RIMKLB: variants seen among roughly 807,000 people sequenced by gnomAD.
The protein encoded by RIMKLB is ribosomal modification protein rimK like family member B, also known as beta-citrylglutamate synthase B.
Under a neutral mutation model 32.0 loss-of-function variants are expected in RIMKLB, and 7 were observed. That is an observed-to-expected ratio of 0.22 (90% CI 0.12 to 0.41). The LOEUF is 0.41. RIMKLB is among the 10% of genes least tolerant of loss of function. The probability of loss-of-function intolerance (pLI) is 1.00; values close to 1 mark genes in which losing one functional copy is unlikely to be tolerated. For synonymous variants in RIMKLB, 172 were observed against 185.1 expected, an observed-to-expected ratio of 0.93 and a Z score of 0.57; for missense variants, 289 against 498.7, an observed-to-expected ratio of 0.58 and a Z score of 4.00.
At chr12:8,742,215 C>T (rs1157476091) in intron 2 of RIMKLB, among the ~76,000 whole-genome samples, 3 of 151,874 alleles carry the variant, frequency 2.0e-5, no homozygotes, top group Non-Finnish European at 4.4e-5. Context: ...CTTTTAATAA[C>T]ATTTGTTACA....
At chr12:8,697,278 C>T (rs1183079688), upstream of RIMKLB, 2 of 152,166 alleles carry the variant, frequency 1.3e-5, no homozygotes, top group Non-Finnish European at 2.9e-5. Context: ...TTAAATTTGC[C>T]TCTCAATATA....
At chr12:8,670,763 T>C in the RIMKLB span, among the ~76,000 whole-genome samples, 1 of 152,264 alleles carries the variant, frequency 6.6e-6, no homozygotes, top group African/African-American at 2.4e-5. Context: ...ACCACACATT[T>C]CCCTTCTGCA....
chr12:8,746,323 G>A (rs1948083040), intron 2 of RIMKLB, among the ~76,000 whole-genome samples: 1 of 151,680 alleles, frequency 6.6e-6, no homozygotes, highest in South Asian at 2.1e-4. Context: ...TGATATCAAG[G>A]GCCGGGAGCT....
At chr12:8,751,777 T>A (rs929220397) in intron 3 of RIMKLB, among the ~76,000 whole-genome samples, 180 bp from the exon 4 acceptor site, 1 of 152,186 alleles carries the variant, frequency 6.6e-6, no homozygotes, top group Non-Finnish European at 1.5e-5. Context: ...CTATTATTTG[T>A]TTTAAACTGA....
intron 2 of RIMKLB, among the ~76,000 whole-genome samples, chr12:8,747,463 T>A (rs1948203204): frequency 6.6e-6 from 1 of 152,152 alleles, no homozygotes; most frequent in South Asian, 2.1e-4. Context: ...CCTCCCTGAT[T>A]TTTCTTCCAT....
At chr12:8,752,681 T>G (rs1948711180) in intron 4 of RIMKLB, among the ~76,000 whole-genome samples, 1 of 152,210 alleles carries the variant, frequency 6.6e-6, no homozygotes, top group Non-Finnish European at 1.5e-5. Flanking sequence ...TATGAAAATA[T>G]CTTAATGACT....
intron 5 of RIMKLB, among the ~76,000 whole-genome samples, chr12:8,756,684 CTTTTTTTTT>C (rs145312687): frequency 1.8e-4 from 16 of 90,982 alleles, no homozygotes; most frequent in Admixed American, 7.2e-4. Flanking sequence ...TTACTTTCTA[CTTTTTTTTT>C]TTTTTTTTTT....
In RIMKLB at chr12:8,775,371, T is replaced by TAA. The variant is rs1478008758; in HGVS notation, c.*1590_*1591dup. 8.1e-6 allele frequency: 8 copies of TAA among 985,324 alleles called. No individual in the cohort carries two copies. The highest frequency in any genetic ancestry group is 1.7e-5 in the African/African-American group (1 of 57,248). 61.0% of individuals were successfully genotyped at this position (985,324 alleles called of 1,614,324 possible). Reference sequence around the variant, plus strand: ...CCAAACTGCATATAATATGAGCCTTTAAAACATGGGTAAAACTAATCCCAT... The same window carrying TAA: ...CCAAACTGCATATAATATGAGCCTTTAAAAAACATGGGTAAAACTAATCCCAT... On this transcript the variant is annotated 3_prime_UTR_variant, in exon 6 of 6. Transcript: ENST00000535829.
At chr12:8,751,050 A>G (rs1948584264) in intron 3 of RIMKLB, among the ~76,000 whole-genome samples, 1 of 152,182 alleles carries the variant, frequency 6.6e-6, no homozygotes, top group Non-Finnish European at 1.5e-5. Flanking sequence ...GCATGTGTGG[A>G]CGCAGTTTCT....
chr12:8,729,861 A>C (rs1472131429), intron 2 of RIMKLB, among the ~76,000 whole-genome samples: 1 of 152,096 alleles, frequency 6.6e-6, no homozygotes, highest in East Asian at 1.9e-4. Flanking sequence ...ATCTTTGTCA[A>C]CTTCTGTTTT....
intron 2 of RIMKLB, among the ~76,000 whole-genome samples, chr12:8,736,026 G>A (rs1163595562): frequency 6.6e-6 from 1 of 152,152 alleles, no homozygotes; most frequent in Non-Finnish European, 1.5e-5. Flanking sequence ...CACTGCCCTG[G>A]CCTAATTTTA....
intron 1 of RIMKLB, among the ~76,000 whole-genome samples, chr12:8,690,635 A>T (rs1481958907): frequency 6.6e-6 from 1 of 152,162 alleles, no homozygotes; most frequent in Non-Finnish European, 1.5e-5. Flanking sequence ...TAAAAAGAAG[A>T]TACTCCAGGC....
At chr12:8,718,636 C>T (rs1478837122) in intron 2 of RIMKLB, among the ~76,000 whole-genome samples, 11 of 121,334 alleles carry the variant, frequency 9.1e-5, no homozygotes, top group South Asian at 2.8e-4. Context: ...AGCGAGACTC[C>T]GTCTCTCTCT....
Position 8,770,066 on chromosome 12 carries a change from G to A in RIMKLB, c.698-3255G>A, listed in dbSNP as rs377411997. ...CAGCTCACTGCAACCCCCGCTTCCC[G>A]GGTTAAAGTGATTCTCCTATCTTGG... On this transcript the variant is annotated intron_variant, in intron 5 of 5. Coordinates refer to ENST00000535829, the MANE Select transcript of RIMKLB (RefSeq NM_001297776.2). Among the ~76,000 whole-genome samples the A allele has an allele frequency of 2.1e-4, 32 of 151,832 alleles. No homozygotes were observed. In the South Asian group the frequency reaches 2.3e-3, roughly 11 times the overall value.
At chr12:8,678,423 C>A (rs745888311), upstream of RIMKLB, among the ~76,000 whole-genome samples, 1 of 151,906 alleles carries the variant, frequency 6.6e-6, no homozygotes, top group Non-Finnish European at 1.5e-5. Context: ...CTCCGCCTCC[C>A]GGGTTCAAGC....
rs182623919 is a variant in RIMKLB at position 8,775,174 on chromosome 12, C to T, written c.*1390C>T. ...CAAGGCTACATGCTTTTCTTTAATGCTTCTGGCTATGCATTTTCTCTTTTT... is the reference window on the plus strand; with the variant it reads ...CAAGGCTACATGCTTTTCTTTAATGTTTCTGGCTATGCATTTTCTCTTTTT... On this transcript the variant is annotated 3_prime_UTR_variant, in exon 6 of 6. Coordinates refer to ENST00000535829, the MANE Select transcript of RIMKLB (RefSeq NM_001297776.2). 1.0e-5 allele frequency: 10 copies of T among 985,556 alleles called. No individual in the cohort carries two copies. Among genetic ancestry groups the T allele is most frequent in the Middle Eastern group, 5.2e-4 (1 of 1,914 alleles). 61.1% of individuals were successfully genotyped at this position (985,556 alleles called of 1,614,324 possible). A position where few individuals can be genotyped will look rare whatever the true frequency, so the allele number is the denominator to read the frequency against.
intron 2 of RIMKLB, among the ~76,000 whole-genome samples, chr12:8,725,511 A>G (rs1381552269): frequency 1.3e-5 from 2 of 152,036 alleles, no homozygotes; most frequent in Non-Finnish European, 2.9e-5. Context: ...TGACGTCAGG[A>G]TGCTCTACTT....
chr12:8,717,057 C>CTTTTTTTTT (rs558195222), intron 2 of RIMKLB, among the ~76,000 whole-genome samples: 1 of 125,004 alleles, frequency 8.0e-6, no homozygotes, highest in African/African-American at 2.9e-5. Context: ...GAGGGTTTTT[C>CTTTTTTTTT]TTTTTTTTTT....
intron 1 of RIMKLB, among the ~76,000 whole-genome samples, chr12:8,707,987 A>T (rs915472417): frequency 2.0e-5 from 3 of 152,212 alleles, no homozygotes; most frequent in Admixed American, 6.5e-5. Context: ...GACAAATGGA[A>T]TAAATGCTAT....
Sources: allele counts gnomAD v4.1 joint callset (sites outside exome capture counted in the v4.1 genomes callset), GRCh38; gene constraint gnomAD v4.1.1; transcripts MANE v1.5; gene names NCBI Gene and HGNC (gene_info 2026-07-23, HGNC 2026-07-21).